The following CPSF1 variants were observed in gnomAD, a reference collection of about 807,000 sequenced individuals.
CPSF1 encodes cleavage and polyadenylation specific factor 1.
In CPSF1, 106 loss-of-function variants were observed where a neutral mutation model predicts 175.8. The ratio of observed to expected loss-of-function variants is 0.60; its 90% CI spans 0.52 to 0.71. The LOEUF is 0.71. CPSF1 is among the 30% of genes least tolerant of loss of function. CPSF1 has a pLI of 0.00. For synonymous variants in CPSF1, 1,024 were observed against 858.3 expected (o/e 1.19, Z -3.37); for missense variants, 1,734 against 2,022.9 (o/e 0.86, Z 2.74).
rs2116864887 is a variant in CPSF1, at chr8:144,399,651, G to C, written c.1179C>G (p.Leu393=). 1.9e-6 allele frequency: 3 copies of C among 1,610,874 alleles called. No individual in the cohort carries two copies. The highest frequency in any genetic ancestry group is 1.7e-5 in the Admixed American group (1 of 59,652). ...FLGSRLGNSL[L]LKYTEKLQEP... is the part of the protein sequence containing the mutation. ...CCTGCAGCTTCTCCGTGTACTTGAG[G>C]AGGAGGGAATTGCCCAGGCGAGAAC... The change falls in exon 12 of 38, where the codon CTC becomes CTG. Residue 393 remains leucine, a synonymous_variant. Transcript: ENST00000616140. The surrounding 1 kb of genome is among the most constrained non-coding windows in gnomAD (Gnocchi z 6.4).
chr8:144,394,282 C>A lies in CPSF1; in HGVS notation c.3763G>T (p.Val1255Leu). 1.3e-6 allele frequency: 2 copies of A among 1,596,666 alleles called. No individual in the cohort carries two copies. Among genetic ancestry groups the A allele is most frequent in the Non-Finnish European group, 1.7e-6 (2 of 1,169,764 alleles). Residue 1255 changes from valine (V) to leucine (L), a missense_variant, in exon 33 of 38, where the codon GTG (valine) becomes TTG (leucine). By Grantham distance (32) the Val-to-Leu change is conservative (BLOSUM62 1). Coordinates refer to ENST00000616140, the MANE Select transcript of CPSF1 (RefSeq NM_013291.3). ...TCCACCATGAAGTCCACGCTGTACA[C>A]CTCCAGGGGCTTGGCATCCTGGGGG... Reference protein sequence around the residue: ...LVSRDAKPLEVYSVDFMVDNA... With the variant: ...LVSRDAKPLELYSVDFMVDNA...
chr8:144,400,135 G>GGGGGGGGGGGGGGGGGCCCCCC, intron 9 of CPSF1, 31 bp downstream of exon 9: 1 of 896,012 alleles, frequency 1.1e-6, no homozygotes, highest in Non-Finnish European at 1.6e-6. Flanking sequence ...CCGTCCCCGG[G>GGGGGGGGGGGGGGGGGCCCCCC]CCCCCCCCGC....
At position 144,393,362 on chromosome 8, in the gene CPSF1, G is replaced by C; in HGVS notation, c.4288C>G (p.Leu1430Val). Reference protein sequence around the residue: ...KKIGTTPDIILDDLLETDRVT... With the variant: ...KKIGTTPDIIVDDLLETDRVT... ...CGGTCCGTCTCCAGCAAGTCGTCCA[G>C]GATCTGCAGGGGATGGAAGGGTGGG... The change falls in exon 38 of 38, where the codon CTG becomes GTG. Residue 1430 changes from leucine to valine, a missense_variant. Transcript: ENST00000616140. The C allele has an allele frequency of 6.7e-7, 1 of 1,502,120 alleles. No individual in the cohort carries two copies. The highest frequency in any genetic ancestry group is 8.9e-7 in the Non-Finnish European group (1 of 1,120,776). 93.0% of individuals were successfully genotyped at this position (1,502,120 alleles called of 1,614,324 possible). A position where few individuals can be genotyped will look rare whatever the true frequency, so the allele number is the denominator to read the frequency against.
In CPSF1 at chr8:144,393,799, G is replaced by A. The variant is rs782420376; in HGVS notation, c.4016-3C>T. On this transcript the variant is annotated splice_region_variant and splice_polypyrimidine_tract_variant and intron_variant, in intron 35 of 37. Transcript: ENST00000616140. ...CCCGATGCCGCCGTCCAGGGTGGCT[G>A]GCAGGGGTAGGGTGAGGGTTTTGGT... 1.1e-5 allele frequency: 17 copies of A among 1,599,970 alleles called. No homozygotes were observed. The highest frequency in any genetic ancestry group is 2.7e-5 in the African/African-American group (2 of 74,986).
Position 144,396,758 on chromosome 8 carries a change from CA to C in CPSF1, c.2683-18del. On this transcript the variant is annotated intron_variant, in intron 24 of 37. Coordinates refer to ENST00000616140, the MANE Select transcript of CPSF1 (RefSeq NM_013291.3). Reference sequence around the variant, plus strand: ...GTGAGGGACCTGGGGGGGAACCATGCAGGTCCTCCAGGGGCTGCCGGTCTGA... The same window carrying C: ...GTGAGGGACCTGGGGGGGAACCATGCGGTCCTCCAGGGGCTGCCGGTCTGA... 6.2e-7 allele frequency: 1 copy of C among 1,613,456 alleles called. No homozygotes were observed. Among genetic ancestry groups the C allele is most frequent in the Non-Finnish European group, 8.5e-7 (1 of 1,179,692 alleles).
chr8:144,405,168 A>G (rs2116901166), intron 2 of CPSF1, among the ~76,000 whole-genome samples: 1 of 152,270 alleles, frequency 6.6e-6, no homozygotes, highest in Non-Finnish European at 1.5e-5. Context: ...AAATAACCTT[A>G]CAGTGGGGGA....
chr8:144,398,110 G>A lies in CPSF1; in HGVS notation c.1917C>T (p.Pro639=), dbSNP rs782051707. 3.2e-5 allele frequency: 52 copies of A among 1,604,786 alleles called. No homozygotes were observed. The highest frequency in any genetic ancestry group is 6.6e-5 in the South Asian group (6 of 90,368). Residue 639 remains proline, a synonymous_variant, in exon 20 of 38, where the codon CCC becomes CCT. Coordinates refer to ENST00000616140, the MANE Select transcript of CPSF1 (RefSeq NM_013291.3). ...LEGVNQLHFI[P]VDLGAPIVQC... is the part of the protein sequence containing the mutation. ...GCACGATGGGGGCGCCCAGGTCCAC[G>A]GGGATGAAGTGCAGCTGATTCACTG...
At chr8:144,408,817 A>C (rs887812452) in intron 2 of CPSF1, among the ~76,000 whole-genome samples, 198 bp downstream of exon 2, 1 of 152,192 alleles carries the variant, frequency 6.6e-6, no homozygotes, top group Non-Finnish European at 1.5e-5. Context: ...TGGGGTAGGA[A>C]GGGAGGCAGA....
At position 144,399,078 on chromosome 8, in the gene CPSF1, C is replaced by G. The variant is rs2116858169; in HGVS notation, c.1468-40G>C. The G allele has an allele frequency of 1.8e-4, 271 of 1,547,200 alleles. 9 individuals are homozygous for G. Among genetic ancestry groups the G allele is most frequent in the South Asian group, 1.5e-3 (123 of 84,212 alleles). ...GGGGTGAGGACTATGCCCCCCACCC[C>G]CCCTCACACTCCAGCCCCTGCCCCC... is the stretch of plus-strand genomic sequence containing the variant. On this transcript the variant is annotated intron_variant, in intron 15 of 37. Coordinates refer to ENST00000616140, the MANE Select transcript of CPSF1 (RefSeq NM_013291.3). This position sits in a 1 kb window ranked among gnomAD's most constrained non-coding sequence, Gnocchi z 6.4.
In CPSF1 at chr8:144,400,824, G is replaced by A. The variant is rs2116878748; in HGVS notation, c.540-7C>T. Reference sequence around the variant, plus strand: ...CAGGAAGCTGGACCTCTGCCTGGGGGGCCAGGGGCTTCAGCAGGAGAGGAG... The same window carrying A: ...CAGGAAGCTGGACCTCTGCCTGGGGAGCCAGGGGCTTCAGCAGGAGAGGAG... On this transcript the variant is annotated splice_polypyrimidine_tract_variant and splice_region_variant and intron_variant, in intron 6 of 37. Coordinates refer to ENST00000616140, the MANE Select transcript of CPSF1 (RefSeq NM_013291.3). The A allele has an allele frequency of 2.5e-6, 4 of 1,613,336 alleles. No individual in the cohort carries two copies. The highest frequency in any genetic ancestry group is 3.4e-6 in the Non-Finnish European group (4 of 1,179,914).
intron 2 of CPSF1, among the ~76,000 whole-genome samples, chr8:144,402,424 C>A (rs1259886625): frequency 1.3e-5 from 2 of 152,264 alleles, no homozygotes; most frequent in African/African-American, 4.8e-5. Context: ...TCTGCCTCAG[C>A]CTCCCAAGTA....
intron 31 of CPSF1, 36 bp from the exon 32 acceptor site, chr8:144,394,591 G>A: frequency 6.2e-7 from 1 of 1,603,170 alleles, no homozygotes; most frequent in Non-Finnish European, 8.5e-7. Context: ...GGCGCGGACG[G>A]GGAGCCGGGT....
In CPSF1 at chr8:144,400,191, G is replaced by T; in HGVS notation, c.912C>A (p.Thr304=). 1 of 1,575,112 alleles carries T rather than the reference G, an allele frequency of 6.3e-7. No individual in the cohort carries two copies. Residue 304 remains threonine, a synonymous_variant, in exon 9 of 38, where the codon ACC becomes ACA. Transcript: ENST00000616140. ...GAAGCGGGAAAGCCGTGGTTCCTGT[G>T]GTGAGGCTGTTGAGAGCCACGCCAT... is the stretch of plus-strand genomic sequence containing the variant. ...PPYGVALNSL[T]TGTTAFPLRT...
chr8:144,396,347 C>T lies in CPSF1; in HGVS notation c.2979+1G>A. ...GCTGCTGGGAACCGGCCGGGCCCCA[C>T]CTGTCTGTTGAAGTACAGGAAGCCG... On this transcript the variant is annotated splice_donor_variant, in intron 26 of 37. Transcript: ENST00000616140. LOFTEE classifies it high-confidence loss of function. The T allele has an allele frequency of 6.3e-7, 1 of 1,583,630 alleles. No homozygotes were observed. Among genetic ancestry groups the T allele is most frequent in the Non-Finnish European group, 8.6e-7 (1 of 1,168,044 alleles).
intron 4 of CPSF1, 27 bp downstream of exon 4, chr8:144,401,403 G>A (rs2116884271): frequency 3.1e-6 from 5 of 1,613,440 alleles, no homozygotes; most frequent in Non-Finnish European, 4.2e-6. Flanking sequence ...CCTTGGCCAG[G>A]CCTACCCCAC....
In CPSF1 at chr8:144,399,515, G is replaced by A. The variant is rs201669773; in HGVS notation, c.1243-12C>T. ...GAGGGAGGCTCTTCCTGTGAGGCAG[G>A]AGGGGCACTGAGTGGCATGCCACAG... is the stretch of plus-strand genomic sequence containing the variant. On this transcript the variant is annotated splice_polypyrimidine_tract_variant and intron_variant, in intron 12 of 37. Transcript: ENST00000616140. The surrounding 1 kb of genome is among the most constrained non-coding windows in gnomAD (Gnocchi z 6.4). The A allele has an allele frequency of 1.3e-5, 21 of 1,612,386 alleles. No homozygotes were observed. Among genetic ancestry groups the A allele is most frequent in the Admixed American group, 8.3e-5 (5 of 59,910 alleles).
intron 23 of CPSF1, 59 bp from the exon 24 acceptor site, chr8:144,396,988 G>A: frequency 1.5e-6 from 2 of 1,317,332 alleles, no homozygotes; most frequent in South Asian, 1.2e-5. Flanking sequence ...CATGGGATGG[G>A]CCATGGGAAG....
chr8:144,399,775 A>G lies in CPSF1; in HGVS notation c.1119+6T>C. ...GACCCAGACCCAACCCCTAGTCCCA[A>G]CTCACGCTGGTGGTGAGGACGCTGG... On this transcript the variant is annotated splice_donor_region_variant and intron_variant, in intron 11 of 37. Coordinates refer to ENST00000616140, the MANE Select transcript of CPSF1 (RefSeq NM_013291.3). The surrounding 1 kb of genome is among the most constrained non-coding windows in gnomAD (Gnocchi z 6.4). The G allele has an allele frequency of 6.3e-7, 1 of 1,580,766 alleles. No homozygotes were observed. The highest frequency in any genetic ancestry group is 1.2e-5 in the South Asian group (1 of 86,880).
At position 144,409,044 on chromosome 8, in the gene CPSF1, A is replaced by T; in HGVS notation, c.115T>A (p.Tyr39Asn). The T allele has an allele frequency of 1.9e-6, 3 of 1,613,574 alleles. No individual in the cohort carries two copies. The highest frequency in any genetic ancestry group is 1.1e-5 in the South Asian group (1 of 91,078). Residue 39 changes from tyrosine to asparagine, a missense_variant, in exon 2 of 38, where the codon TAC (tyrosine) becomes AAC (asparagine). Around this residue, in one of 10 missense-constraint regions of CPSF1, gnomAD observed 126 missense variants for 117.9 expected, o/e 1.07. Coordinates refer to ENST00000616140, the MANE Select transcript of CPSF1 (RefSeq NM_013291.3). ...GCGTCGCGGTTGAGGCGGTACACGT[A>T]GAGCTGCGAGGTCCCGGCCACTACC... ...NLVVAGTSQL[Y>N]VYRLNRDAEA...
Sources: gnomAD v4.1 joint callset for allele counts (sites outside exome capture counted in the v4.1 genomes callset) on GRCh38, gnomAD v4.1.1 for gene constraint, gnomAD v4.1.1 regional missense constraint, Gnocchi (gnomAD v3.1) non-coding constraint, MANE v1.5 for transcripts, NCBI Gene and HGNC (gene_info 2026-07-23, HGNC 2026-07-21) for gene names.